Variants in CHRM3 observed in about 807,000 individuals in gnomAD.
The protein encoded by CHRM3 is cholinergic receptor muscarinic 3.
CHRM3 carries 11 observed loss-of-function variants against 41.8 expected under a neutral mutation model. That is an observed-to-expected ratio of 0.26 (90% CI 0.17 to 0.44). CHRM3 has a LOEUF of 0.44. Ranked by LOEUF, CHRM3 falls within the 20% of genes least tolerant of loss-of-function variation. The pLI is 1.00. For missense variants in CHRM3, 571 were observed against 745.4 expected (o/e 0.77, Z 2.72); for synonymous variants, 297 against 301.4 (o/e 0.99, Z 0.15).
rs1365322129 is a variant in CHRM3 at position 239,874,304 on chromosome 1, T to TATCTATATACACAGTATATAG, written c.-19-33127_-19-33126insCTATATACACAGTATATAGAT. 1.5e-3 allele frequency among the ~76,000 whole-genome samples: 187 copies of TATCTATATACACAGTATATAG among 125,326 alleles called. 4 individuals carry two copies. The highest frequency in any genetic ancestry group is 5.4e-3 in the South Asian group (22 of 4,106). 82.2% of individuals were successfully genotyped at this position (125,326 alleles called of 152,430 possible). ...TACACAGTATATATATATATATATA[T>TATCTATATACACAGTATATAG]ATATATATATATATATATATATACA... On this transcript the variant is annotated intron_variant, in intron 6 of 6. Transcript: ENST00000676153.
chr1:239,506,207 G>A (rs1387513852), intron 2 of CHRM3, among the ~76,000 whole-genome samples: 1 of 152,154 alleles, frequency 6.6e-6, no homozygotes, highest in Non-Finnish European at 1.5e-5. Context: ...GGAGTTGAAT[G>A]TTAATCCTCA....
chr1:239,489,913 A>C (rs1667447424), intron 1 of CHRM3, among the ~76,000 whole-genome samples: 2 of 152,060 alleles, frequency 1.3e-5, no homozygotes, highest in African/African-American at 4.8e-5. Context: ...ATCTGTTCTC[A>C]CCTCTTCCCA....
rs1320840083 is a variant in CHRM3 at position 239,718,950 on chromosome 1, A to G, written c.-147+40662A>G. On this transcript the variant is annotated intron_variant, in intron 5 of 6. Transcript: ENST00000676153. ...TAATGTACAGAGTTGAAAAACTTAC[A>G]TATTTCTTAGAAGCTTAGAAGTTAT... 6 of 152,152 alleles carry G rather than the reference A, an allele frequency of 3.9e-5. No individual in the cohort carries two copies. In the East Asian group the frequency reaches 9.7e-4, roughly 25 times the overall value. 9.4% of individuals were successfully genotyped at this position (152,152 alleles called of 1,614,324 possible). A position where few individuals can be genotyped will look rare whatever the true frequency, so the allele number is the denominator to read the frequency against.
intron 1 of CHRM3, among the ~76,000 whole-genome samples, chr1:239,476,957 C>A (rs897061418): frequency 6.6e-6 from 1 of 152,076 alleles, no homozygotes; most frequent in East Asian, 1.9e-4. Context: ...CACACAAGGT[C>A]ACTACAAGGA....
intron 6 of CHRM3, among the ~76,000 whole-genome samples, chr1:239,881,144 G>A (rs6658616): frequency 0.038 from 5,803 of 151,748 alleles, 394 homozygotes; most frequent in African/African-American, 0.13. Context: ...TTAGCCGGGC[G>A]TGGTGGTGGG....
intron 1 of CHRM3, among the ~76,000 whole-genome samples, chr1:239,442,113 T>C (rs1476835204): frequency 6.6e-6 from 1 of 151,902 alleles, no homozygotes; most frequent in Non-Finnish European, 1.5e-5. Context: ...TCTAATATTG[T>C]TTGTCATTAA....
intron 3 of CHRM3, among the ~76,000 whole-genome samples, chr1:239,609,911 G>C (rs1194919365): frequency 6.6e-6 from 1 of 152,006 alleles, no homozygotes; most frequent in Admixed American, 6.6e-5. Context: ...AAGTACTATA[G>C]GCCGGGCGCA....
At chr1:239,778,239 A>G (rs1039752607) in intron 5 of CHRM3, among the ~76,000 whole-genome samples, 1 of 152,212 alleles carries the variant, frequency 6.6e-6, no homozygotes, top group Admixed American at 6.5e-5. Flanking sequence ...TCAAAACATA[A>G]AAACTGAATG....
intron 5 of CHRM3, among the ~76,000 whole-genome samples, chr1:239,803,140 G>GGGGTAACA (rs1335469931): frequency 6.6e-6 from 1 of 152,128 alleles, no homozygotes; most frequent in Non-Finnish European, 1.5e-5. Flanking sequence ...GGGTAACATG[G>GGGGTAACA]TGAAGGCTCT....
At chr1:239,802,980 G>C (rs1367514443) in intron 5 of CHRM3, among the ~76,000 whole-genome samples, 1 of 152,204 alleles carries the variant, frequency 6.6e-6, no homozygotes. Context: ...CTCTCTTCTA[G>C]TAAAGCCTAA....
chr1:239,548,548 G>C (rs1016117521), intron 3 of CHRM3, among the ~76,000 whole-genome samples: 2 of 152,152 alleles, frequency 1.3e-5, no homozygotes, highest in Non-Finnish European at 2.9e-5. Flanking sequence ...TTTTGCAATA[G>C]CTTCTTCAGC....
intron 6 of CHRM3, among the ~76,000 whole-genome samples, chr1:239,876,267 A>C (rs558043741): frequency 2.6e-5 from 4 of 152,312 alleles, no homozygotes; most frequent in Non-Finnish European, 4.4e-5. Flanking sequence ...CTCCCTTCAT[A>C]TTGATCTTGT....
rs1196288432 is a variant in CHRM3, at chr1:239,911,399, A to G, written c.*2175A>G. 1 of 167,074 alleles carries G rather than the reference A, an allele frequency of 6.0e-6. No homozygotes were observed. Among genetic ancestry groups the G allele is most frequent in the African/African-American group, 2.4e-5 (1 of 41,456 alleles). 10.3% of individuals were successfully genotyped at this position (167,074 alleles called of 1,614,324 possible). On this transcript the variant is annotated 3_prime_UTR_variant, in exon 7 of 7. Transcript: ENST00000676153. Reference sequence around the variant, plus strand: ...ATTATCCACCTGTGAAACATCTAGTAAGCAATTGCATCTATATTTTATTTC... The same window carrying G: ...ATTATCCACCTGTGAAACATCTAGTGAGCAATTGCATCTATATTTTATTTC...
At chr1:239,881,282 CAAAAAAAAAAAA>C (rs71567253) in intron 6 of CHRM3, among the ~76,000 whole-genome samples, 4 of 33,988 alleles carry the variant, frequency 1.2e-4, no homozygotes, top group South Asian at 5.4e-3. Context: ...GACTCCGTCT[CAAAAAAAAAAAA>C]AAAAAAAAAA....
At chr1:239,431,453 C>A (rs1662827857) in intron 1 of CHRM3, among the ~76,000 whole-genome samples, 1 of 152,084 alleles carries the variant, frequency 6.6e-6, no homozygotes, top group Admixed American at 6.6e-5. Flanking sequence ...GACACAATTG[C>A]CTTTTTCCTA....
At chr1:239,499,855 C>T (rs758798808) in intron 2 of CHRM3, among the ~76,000 whole-genome samples, 21 of 152,132 alleles carry the variant, frequency 1.4e-4, no homozygotes, top group Admixed American at 3.3e-4. Flanking sequence ...AAACAATTAT[C>T]AGCCAAGAAT....
intron 3 of CHRM3, among the ~76,000 whole-genome samples, chr1:239,565,057 G>A (rs894689448): frequency 1.3e-5 from 2 of 152,054 alleles, no homozygotes; most frequent in African/African-American, 4.8e-5. Flanking sequence ...TCCAGTCTCC[G>A]CTTCCATATT....
chr1:239,875,742 T>C (rs181807151), intron 6 of CHRM3, among the ~76,000 whole-genome samples: 2 of 152,362 alleles, frequency 1.3e-5, no homozygotes, highest in East Asian at 3.9e-4. Flanking sequence ...CGATTTAGCA[T>C]GTTGGGGTAA....
At chr1:239,525,134 G>A (rs1028342022) in intron 2 of CHRM3, among the ~76,000 whole-genome samples, 1 of 152,134 alleles carries the variant, frequency 6.6e-6, no homozygotes, top group African/African-American at 2.4e-5. Context: ...AGGCCAAGGA[G>A]GGAGGATTGC....
Sources: allele counts gnomAD v4.1 joint callset (sites outside exome capture counted in the v4.1 genomes callset), GRCh38; gene constraint gnomAD v4.1.1; transcripts MANE v1.5; gene names NCBI Gene and HGNC (gene_info 2026-07-23, HGNC 2026-07-21).